The following PDE1C variants were observed in gnomAD, a reference collection of about 807,000 sequenced individuals.
The protein encoded by PDE1C is dual specificity calcium/calmodulin-dependent 3',5'-cyclic nucleotide phosphodiesterase 1C.
PDE1C carries 62 observed loss-of-function variants against 93.1 expected under a neutral mutation model. That is an observed-to-expected ratio of 0.67 (90% CI 0.54 to 0.82). The LOEUF (loss-of-function observed/expected upper bound fraction) is 0.82. Ranked by LOEUF, PDE1C falls within the 40% of genes least tolerant of loss-of-function variation. PDE1C has a pLI of 0.00. For missense variants in PDE1C, 742 were observed against 884.6 expected, an observed-to-expected ratio of 0.84 and a Z score of 2.04; for synonymous variants, 325 against 310.1, an observed-to-expected ratio of 1.05 and a Z score of -0.50.
chr7:31,745,575 C>T, the PDE1C span, among the ~76,000 whole-genome samples: 16 of 152,214 alleles, frequency 1.1e-4, no homozygotes, highest in African/African-American at 3.6e-4. Flanking sequence ...GATCAGGGAC[C>T]AAGTCCCAGA....
At chr7:31,985,059 C>G (rs1032053715) in intron 2 of PDE1C, among the ~76,000 whole-genome samples, 11 of 152,064 alleles carry the variant, frequency 7.2e-5, no homozygotes, top group Non-Finnish European at 1.2e-4. Context: ...AAAATTGACG[C>G]CTAAAGAACA....
chr7:32,173,462 C>T (rs928702002), intron 2 of PDE1C, among the ~76,000 whole-genome samples: 2 of 150,578 alleles, frequency 1.3e-5, no homozygotes, highest in African/African-American at 4.9e-5. Context: ...ATATTCTGTA[C>T]ATGTATAGCA....
chr7:32,132,370 T>C lies in PDE1C; in HGVS notation c.308+37415A>G, dbSNP rs182888148. 3.6e-3 allele frequency among the ~76,000 whole-genome samples: 547 copies of C among 152,212 alleles called. 3 individuals carry two copies. Among genetic ancestry groups the C allele is most frequent in the Non-Finnish European group, 6.3e-3 (426 of 68,000 alleles). The stretch of plus-strand genomic sequence containing the variant: ...TGGCATGATACATATTTGACTTTTA[T>C]CATATCGGTTAAGCAGGGTGCAGTG... On this transcript the variant is annotated intron_variant, in intron 3 of 18. Coordinates refer to the PDE1C transcript ENST00000396193.
chr7:31,856,226 G>C (rs1369806869), intron 7 of PDE1C, among the ~76,000 whole-genome samples: 2 of 152,196 alleles, frequency 1.3e-5, no homozygotes, highest in African/African-American at 2.4e-5. Context: ...TGAAAGGTTA[G>C]AGTAACAGTA....
chr7:32,052,701 A>G (rs1450036254), intron 1 of PDE1C, among the ~76,000 whole-genome samples: 1 of 152,196 alleles, frequency 6.6e-6, no homozygotes, highest in Non-Finnish European at 1.5e-5. Flanking sequence ...CAAATTGAGA[A>G]TCACTAGGAC....
intron 2 of PDE1C, among the ~76,000 whole-genome samples, chr7:31,925,183 C>T (rs1803210522): frequency 2.6e-5 from 4 of 151,916 alleles, no homozygotes; most frequent in Admixed American, 2.6e-4. Flanking sequence ...ACAGAGCCCC[C>T]ACTGTTAAGT....
chr7:32,101,059 AG>A (rs1389068329), intron 3 of PDE1C, among the ~76,000 whole-genome samples: 1 of 152,224 alleles, frequency 6.6e-6, no homozygotes, highest in Admixed American at 6.5e-5. Context: ...GAAATTAAGA[AG>A]CAAGACCCAG....
intron 2 of PDE1C, among the ~76,000 whole-genome samples, chr7:32,006,267 T>C (rs1786239337): frequency 6.6e-6 from 1 of 152,160 alleles, no homozygotes; most frequent in African/African-American, 2.4e-5. Context: ...TTTGGTGGAG[T>C]AGTTTCACTT....
At chr7:31,709,337 T>C in the PDE1C span, among the ~76,000 whole-genome samples, 1 of 152,176 alleles carries the variant, frequency 6.6e-6, no homozygotes, top group Non-Finnish European at 1.5e-5. Context: ...AAAATGAGGA[T>C]AATAATTCTT....
intron 2 of PDE1C, among the ~76,000 whole-genome samples, chr7:31,994,109 C>T (rs891487564): frequency 2.0e-5 from 3 of 152,058 alleles, no homozygotes; most frequent in Non-Finnish European, 2.9e-5. Context: ...AGCAAGTGCA[C>T]CAAGCCCAAG....
chr7:32,005,578 A>AAAAAAAAAAAAC (rs1204630246), intron 2 of PDE1C, among the ~76,000 whole-genome samples: 1,385 of 103,680 alleles, frequency 0.013, 129 homozygotes, highest in Non-Finnish European at 0.021. Context: ...AAAAAAAAAA[A>AAAAAAAAAAAAC]AAAGAATTGT....
intron 2 of PDE1C, among the ~76,000 whole-genome samples, chr7:32,015,738 A>G (rs1299697755): frequency 1.3e-5 from 2 of 152,134 alleles, no homozygotes; most frequent in Admixed American, 6.5e-5. Flanking sequence ...GAAAACACCA[A>G]AAAAAAGATA....
intron 2 of PDE1C, among the ~76,000 whole-genome samples, chr7:32,037,469 C>T (rs10486499): frequency 0.2 from 31,079 of 151,936 alleles, 3,990 homozygotes; most frequent in East Asian, 0.35. Flanking sequence ...ATAACAAAAG[C>T]GGTGATAAAA....
intron 1 of PDE1C, among the ~76,000 whole-genome samples, chr7:32,378,094 G>T (rs1488758860): frequency 6.6e-6 from 1 of 152,180 alleles, no homozygotes; most frequent in Non-Finnish European, 1.5e-5. Flanking sequence ...TTACTTCTGT[G>T]GCATTGTGTT....
intron 16 of PDE1C, among the ~76,000 whole-genome samples, chr7:31,782,690 T>C (rs1209390014): frequency 6.6e-6 from 1 of 152,194 alleles, no homozygotes; most frequent in Non-Finnish European, 1.5e-5. Context: ...AGGGGAGTAA[T>C]GAATGACTAC....
chr7:32,006,290 G>A (rs1786242594), intron 2 of PDE1C, among the ~76,000 whole-genome samples: 2 of 152,014 alleles, frequency 1.3e-5, no homozygotes, highest in Admixed American at 6.6e-5. Context: ...TAGGAACAAT[G>A]CTCTCCAAAA....
At chr7:31,906,172 T>C (rs1800564704) in intron 2 of PDE1C, among the ~76,000 whole-genome samples, 2 of 152,218 alleles carry the variant, frequency 1.3e-5, no homozygotes, top group African/African-American at 4.8e-5. Flanking sequence ...TATCTAACGA[T>C]AACCTTCTTC....
Position 31,824,928 on chromosome 7 carries a change from T to C in PDE1C, c.1345A>G (p.Ile449Val). 6.2e-7 allele frequency: 1 copy of C among 1,613,402 alleles called. No individual in the cohort carries two copies. The highest frequency in any genetic ancestry group is 8.5e-7 in the Non-Finnish European group (1 of 1,179,534). The change falls in exon 13 of 18, where the codon ATT (isoleucine) becomes GTT (valine). Residue 449 changes from isoleucine (I) to valine (V), a missense_variant. Ile to Val is a conservative substitution (Grantham distance 29). Around this residue, in one of 4 missense-constraint regions of PDE1C, gnomAD observed 454 missense variants for 459.4 expected, o/e 0.99. Transcript: ENST00000396191. ...GTTTCATCGATTAATGGACTCACAATCTTCTCGGTCATGTCCGTAAGCACA... is the reference window on the plus strand; with the variant it reads ...GTTTCATCGATTAATGGACTCACAACCTTCTCGGTCATGTCCGTAAGCACA... ...FTVLTDMTEK[I>V]VSPLIDETSQ...
At chr7:31,726,748 T>C in the PDE1C span, among the ~76,000 whole-genome samples, 102 of 152,322 alleles carry the variant, frequency 6.7e-4, no homozygotes, top group African/African-American at 2.3e-3. Context: ...TTTATTAAGA[T>C]GTGGCCAGGC....
Sources: allele counts gnomAD v4.1 joint callset (sites outside exome capture counted in the v4.1 genomes callset), GRCh38; gene constraint gnomAD v4.1.1; regional missense constraint gnomAD v4.1.1; transcripts MANE v1.5; gene names NCBI Gene and HGNC (gene_info 2026-07-23, HGNC 2026-07-21).